The following STPG2 variants were observed in gnomAD, a reference collection of about 807,000 sequenced individuals.
STPG2 encodes sperm-tail PG-rich repeat-containing protein 2.
Under a neutral mutation model 54.2 loss-of-function variants are expected in STPG2, and 56 were observed. The ratio of observed to expected loss-of-function variants is 1.03; its 90% CI spans 0.83 to 1.29. STPG2 has a LOEUF of 1.29. Ranked by LOEUF, STPG2 falls within the 50% of genes most tolerant of loss-of-function variation. The pLI is 0.00. For synonymous variants in STPG2, 200 were observed against 181.8 expected (o/e 1.10, Z -0.81); for missense variants, 596 against 544.9 (o/e 1.09, Z -0.93).
intron 4 of STPG2, among the ~76,000 whole-genome samples, chr4:97,516,320 C>A (rs964228149): frequency 1.3e-5 from 2 of 151,982 alleles, no homozygotes; most frequent in African/African-American, 4.8e-5. Context: ...TTAAAGGTAA[C>A]CTAGGAAACA....
At chr4:98,075,645 T>C (rs62321586) in intron 5 of STPG2, among the ~76,000 whole-genome samples, 5,949 of 152,270 alleles carry the variant, frequency 0.039, 190 homozygotes, top group Non-Finnish European at 0.063. Context: ...GTTCTCTCAA[T>C]GGGATATTTG....
At chr4:97,907,717 A>G (rs147388857) in intron 8 of STPG2, among the ~76,000 whole-genome samples, 19,392 of 152,178 alleles carry the variant, frequency 0.13, 1,898 homozygotes, top group African/African-American at 0.26. Context: ...AACGCCACTT[A>G]TCTACAACCA....
At chr4:97,884,327 T>C (rs932369383) in intron 8 of STPG2, among the ~76,000 whole-genome samples, 10 of 152,146 alleles carry the variant, frequency 6.6e-5, no homozygotes, top group African/African-American at 2.4e-4. Flanking sequence ...AATGTGACTA[T>C]ATTTGCAGAT....
At chr4:97,793,461 T>C (rs1421095064) in intron 9 of STPG2, among the ~76,000 whole-genome samples, 3 of 151,930 alleles carry the variant, frequency 2.0e-5, no homozygotes, top group Non-Finnish European at 4.4e-5. Context: ...TATGTGTATA[T>C]TTACATGCAC....
At chr4:97,729,590 T>C (rs1724734799) in intron 9 of STPG2, among the ~76,000 whole-genome samples, 1 of 152,190 alleles carries the variant, frequency 6.6e-6, no homozygotes, top group African/African-American at 2.4e-5. Flanking sequence ...TTCTTTCCCC[T>C]ATTACACAAT....
chr4:97,650,206 A>G (rs1337135362), intron 10 of STPG2, among the ~76,000 whole-genome samples: 2 of 152,158 alleles, frequency 1.3e-5, no homozygotes, highest in Non-Finnish European at 1.5e-5. Flanking sequence ...TGCCTGCCAC[A>G]TACCTCCTGC....
chr4:97,929,457 C>A (rs183809405), intron 8 of STPG2, among the ~76,000 whole-genome samples: 226 of 152,258 alleles, frequency 1.5e-3, no homozygotes, highest in African/African-American at 5.3e-3. Flanking sequence ...GCCACACTGT[C>A]TTCTACAATG....
intron 5 of STPG2, among the ~76,000 whole-genome samples, chr4:98,093,996 T>C (rs1490747442): frequency 6.6e-6 from 1 of 152,104 alleles, no homozygotes; most frequent in Admixed American, 6.6e-5. Flanking sequence ...GGACTGCAAT[T>C]TCTAGGCAAT....
intron 7 of STPG2, among the ~76,000 whole-genome samples, chr4:97,951,515 C>T (rs1016768129): frequency 1.3e-5 from 2 of 151,900 alleles, no homozygotes; most frequent in African/African-American, 4.8e-5. Context: ...TTTTTCCCCC[C>T]TTAAGACTGT....
chr4:97,607,686 A>C (rs1240680259), intron 10 of STPG2, among the ~76,000 whole-genome samples: 1 of 152,040 alleles, frequency 6.6e-6, no homozygotes, highest in Non-Finnish European at 1.5e-5. Flanking sequence ...AGAAATGCAC[A>C]AGTTTTTCTC....
intron 7 of STPG2, among the ~76,000 whole-genome samples, chr4:97,959,137 T>C (rs1049875662): frequency 2.6e-5 from 4 of 152,038 alleles, no homozygotes; most frequent in Non-Finnish European, 5.9e-5. Context: ...GGGTCAACAA[T>C]GAAATCAAGA....
intron 8 of STPG2, among the ~76,000 whole-genome samples, chr4:97,892,322 G>T (rs990598514): frequency 1.3e-5 from 2 of 152,112 alleles, no homozygotes; most frequent in African/African-American, 2.4e-5. Context: ...GTGAAGCCCT[G>T]TGAGCTCCTT....
At chr4:97,972,634 T>C (rs982200392) in intron 6 of STPG2, among the ~76,000 whole-genome samples, 194 bp from the exon 7 acceptor site, 2 of 152,186 alleles carry the variant, frequency 1.3e-5, no homozygotes, top group Non-Finnish European at 2.9e-5. Context: ...CTTGCTGATA[T>C]GGTTTTGCTG....
chr4:97,973,153 G>A (rs1734391563), intron 6 of STPG2, among the ~76,000 whole-genome samples: 3 of 152,162 alleles, frequency 2.0e-5, no homozygotes, highest in South Asian at 4.1e-4. Flanking sequence ...CTTGTTGAAT[G>A]GCTTTGACCA....
chr4:97,964,046 T>C (rs542025911), intron 7 of STPG2, among the ~76,000 whole-genome samples: 4 of 152,266 alleles, frequency 2.6e-5, no homozygotes, highest in African/African-American at 9.6e-5. Context: ...GATATGTGAA[T>C]AGGAAGGACT....
intron 10 of STPG2, among the ~76,000 whole-genome samples, chr4:97,681,654 A>G (rs1723039128): frequency 6.6e-6 from 1 of 151,842 alleles, no homozygotes; most frequent in Non-Finnish European, 1.5e-5. Context: ...TTTGTTTTTA[A>G]TCAAATTGGT....
chr4:97,825,459 A>G (rs1458745276), intron 9 of STPG2, among the ~76,000 whole-genome samples: 1 of 152,072 alleles, frequency 6.6e-6, no homozygotes. Flanking sequence ...CCCGACCCCT[A>G]CTGAGAGATA....
intron 10 of STPG2, among the ~76,000 whole-genome samples, chr4:97,607,082 C>T (rs1333837942): frequency 6.6e-6 from 1 of 151,970 alleles, no homozygotes; most frequent in Non-Finnish European, 1.5e-5. Flanking sequence ...TAAATAACTT[C>T]ATTGAGATTT....
chr4:97,683,905 TAGCAG>T (rs1317192545), intron 10 of STPG2, among the ~76,000 whole-genome samples: 1 of 151,866 alleles, frequency 6.6e-6, no homozygotes, highest in Non-Finnish European at 1.5e-5. Context: ...TAAGCATCTA[TAGCAG>T]AGTTGCAGGA....
Sources: allele counts gnomAD v4.1 joint callset (sites outside exome capture counted in the v4.1 genomes callset), GRCh38; gene constraint gnomAD v4.1.1; transcripts MANE v1.5; gene names NCBI Gene and HGNC (gene_info 2026-07-23, HGNC 2026-07-21).